The following ARHGAP31 variants were observed in gnomAD, a reference collection of about 807,000 sequenced individuals.
ARHGAP31 encodes the protein Rho GTPase activating protein 31, also known as rho GTPase-activating protein 31.
A neutral mutation model predicts 113.9 loss-of-function variants in ARHGAP31; 34 were observed. The ratio of observed to expected loss-of-function variants is 0.30; its 90% CI spans 0.23 to 0.40. The LOEUF (loss-of-function observed/expected upper bound fraction) is 0.40. Among genes scored for constraint, ARHGAP31 ranks in the 10% least tolerant of loss-of-function variants. The pLI is 1.00. For synonymous variants in ARHGAP31, 650 were observed against 684.8 expected (o/e 0.95, Z 0.79); for missense variants, 1,548 against 1,767.1 (o/e 0.88, Z 2.22).
At chr3:119,331,966 A>G (rs1044689302) in intron 1 of ARHGAP31, among the ~76,000 whole-genome samples, 2 of 152,048 alleles carry the variant, frequency 1.3e-5, no homozygotes, top group African/African-American at 2.4e-5. Context: ...CCTTTCTACT[A>G]CTGAGCTGAA....
chr3:119,352,748 G>A (rs2080120760), intron 1 of ARHGAP31, among the ~76,000 whole-genome samples: 1 of 152,206 alleles, frequency 6.6e-6, no homozygotes, highest in African/African-American at 2.4e-5. Flanking sequence ...GCTATTGATT[G>A]TTTTGGTGTA....
intron 1 of ARHGAP31, among the ~76,000 whole-genome samples, chr3:119,309,578 G>T (rs963303659): frequency 6.8e-6 from 1 of 146,738 alleles, no homozygotes; most frequent in Non-Finnish European, 1.5e-5. Context: ...AATATGGCAA[G>T]ACTCTGTCTC....
At position 119,294,893 on chromosome 3, in the gene ARHGAP31, T is replaced by C; in HGVS notation, c.-12T>C. 1 of 1,613,612 alleles carries C rather than the reference T, an allele frequency of 6.2e-7. No homozygotes were observed. Among genetic ancestry groups the C allele is most frequent in the Non-Finnish European group, 8.5e-7 (1 of 1,179,746 alleles). On this transcript the variant is annotated 5_prime_UTR_variant, in exon 1 of 12. Transcript: ENST00000264245. Reference sequence around the variant, plus strand: ...GGCAGAGACGGAGGGGCAGCCTCTTTGGGACTAACTCATGAAGAACAAGGG... The same window carrying C: ...GGCAGAGACGGAGGGGCAGCCTCTTCGGGACTAACTCATGAAGAACAAGGG...
intron 2 of ARHGAP31, among the ~76,000 whole-genome samples, chr3:119,365,764 C>A (rs1370192821): frequency 6.6e-6 from 1 of 152,302 alleles, no homozygotes; most frequent in East Asian, 1.9e-4. Flanking sequence ...CTGCCCAAAG[C>A]TCAGTTAGAC....
At chr3:119,308,325 T>C (rs1481622178) in intron 1 of ARHGAP31, among the ~76,000 whole-genome samples, 3 of 152,180 alleles carry the variant, frequency 2.0e-5, no homozygotes, top group Non-Finnish European at 4.4e-5. Context: ...ACAAATCTAT[T>C]ATCCTACAGT....
chr3:119,401,696 G>A (rs1197823052), intron 9 of ARHGAP31, 126 bp from the exon 10 acceptor site: 14 of 835,188 alleles, frequency 1.7e-5, no homozygotes, highest in Non-Finnish European at 2.4e-5. Context: ...TTATCTGGGC[G>A]GTTATGCCCC....
At chr3:119,402,620 TTAA>T (rs1367125560) in intron 10 of ARHGAP31, among the ~76,000 whole-genome samples, 1 of 152,222 alleles carries the variant, frequency 6.6e-6, no homozygotes, top group Non-Finnish European at 1.5e-5. Flanking sequence ...AATAATTATG[TTAA>T]TAATACCTTT....
intron 8 of ARHGAP31, among the ~76,000 whole-genome samples, chr3:119,397,702 G>A (rs1221779787): frequency 6.6e-6 from 1 of 152,216 alleles, no homozygotes; most frequent in Non-Finnish European, 1.5e-5. Context: ...AGAAGGAGCA[G>A]GTTTGGATCA....
chr3:119,387,803 G>A (rs75840502), intron 6 of ARHGAP31, among the ~76,000 whole-genome samples: 1,927 of 152,274 alleles, frequency 0.013, 46 homozygotes, highest in African/African-American at 0.042. Context: ...GTCTGGTTGG[G>A]AAGACAAGGA....
chr3:119,328,608 A>G (rs1191369220), intron 1 of ARHGAP31, among the ~76,000 whole-genome samples: 1 of 152,024 alleles, frequency 6.6e-6, no homozygotes, highest in Admixed American at 6.6e-5. Flanking sequence ...CCAAACCCCT[A>G]TATATCACCA....
At chr3:119,344,416 A>G (rs1407232004) in intron 1 of ARHGAP31, among the ~76,000 whole-genome samples, 1 of 152,190 alleles carries the variant, frequency 6.6e-6, no homozygotes, top group Non-Finnish European at 1.5e-5. Context: ...TTGAGGAGAC[A>G]TTGAGTCAAA....
At chr3:119,383,749 C>T (rs920875201) in intron 6 of ARHGAP31, among the ~76,000 whole-genome samples, 2 of 152,136 alleles carry the variant, frequency 1.3e-5, no homozygotes, top group African/African-American at 2.4e-5. Flanking sequence ...TGCGCTATGC[C>T]AGGCAGTAGG....
At chr3:119,368,345 G>C in intron 2 of ARHGAP31, 27 bp from the exon 3 acceptor site, 1 of 1,613,840 alleles carries the variant, frequency 6.2e-7, no homozygotes, top group East Asian at 2.2e-5. Flanking sequence ...CCCTGGGATT[G>C]TTATGTCTCC....
chr3:119,391,465 T>G (rs2080503052), intron 7 of ARHGAP31, among the ~76,000 whole-genome samples: 1 of 152,118 alleles, frequency 6.6e-6, no homozygotes, highest in Non-Finnish European at 1.5e-5. Context: ...AAACCTGGCA[T>G]CCTTGTCAGA....
chr3:119,312,079 C>G (rs2079687917), intron 1 of ARHGAP31, among the ~76,000 whole-genome samples: 2 of 152,180 alleles, frequency 1.3e-5, no homozygotes, highest in Non-Finnish European at 1.5e-5. Flanking sequence ...TTAAATCTTC[C>G]AGGGAAAAGA....
intron 1 of ARHGAP31, among the ~76,000 whole-genome samples, chr3:119,320,592 C>G (rs1191957828): frequency 6.6e-6 from 1 of 152,236 alleles, no homozygotes; most frequent in Non-Finnish European, 1.5e-5. Flanking sequence ...TACCTCCTAT[C>G]TTAAATAATG....
intron 1 of ARHGAP31, among the ~76,000 whole-genome samples, chr3:119,340,434 C>G (rs2079998000): frequency 6.6e-6 from 1 of 152,222 alleles, no homozygotes; most frequent in Non-Finnish European, 1.5e-5. Context: ...AGAGGTAGCT[C>G]TCCCAAATGC....
intron 1 of ARHGAP31, among the ~76,000 whole-genome samples, chr3:119,341,394 A>G (rs1364412903): frequency 6.6e-6 from 1 of 152,204 alleles, no homozygotes; most frequent in Non-Finnish European, 1.5e-5. Context: ...GCACTGTTCT[A>G]AGTGCTTTCC....
At position 119,380,751 on chromosome 3, in the gene ARHGAP31, A is replaced by G. The variant is rs2318370; in HGVS notation, c.349-153A>G. Among the ~76,000 whole-genome samples, 115,546 of 152,084 alleles carry G rather than the reference A, an allele frequency of 0.76. 44,327 individuals carry two copies. Among genetic ancestry groups the G allele is most frequent in the African/African-American group, 0.84 (35,031 of 41,492 alleles). On this transcript the variant is annotated intron_variant, in intron 3 of 11. Transcript: ENST00000264245. ...GAACCAACAGAAACTGTAGTGGGAT[A>G]GTTGTTTTCATAGTAAAGCATGCCT...
Sources: gnomAD v4.1 joint callset for allele counts (sites outside exome capture counted in the v4.1 genomes callset) on GRCh38, gnomAD v4.1.1 for gene constraint, MANE v1.5 for transcripts, NCBI Gene and HGNC (gene_info 2026-07-23, HGNC 2026-07-21) for gene names.